Variants in GFM2 observed in about 807,000 individuals in gnomAD.
GFM2 encodes the protein GTP dependent ribosome recycling factor mitochondrial 2.
A neutral mutation model predicts 95.4 loss-of-function variants in GFM2; 72 were observed. The observed-to-expected ratio is 0.76, with a 90% CI of 0.62 to 0.92. GFM2 has a LOEUF of 0.92. GFM2 is among the 40% of genes least tolerant of loss of function. GFM2 has a pLI of 0.00. For synonymous variants in GFM2, 276 were observed against 317.5 expected, an observed-to-expected ratio of 0.87 and a Z score of 1.39; for missense variants, 825 against 924.1, an observed-to-expected ratio of 0.89 and a Z score of 1.39.
chr5:74,722,246 GAAACGAAACTTAACATGTATTCTCT>G, intron 20 of GFM2, 108 bp downstream of exon 20: 8 of 765,076 alleles, frequency 1.0e-5, no homozygotes, highest in Non-Finnish European at 1.5e-5. Context: ...CCTGCTGGTT[GAAACGAAACTTAACATGTATTCTCT>G]AAATCAAAGC....
chr5:74,748,027 G>A (rs564272416), intron 7 of GFM2, among the ~76,000 whole-genome samples: 11 of 152,230 alleles, frequency 7.2e-5, no homozygotes, highest in Admixed American at 6.5e-4. Flanking sequence ...TGAACTAGGT[G>A]GCCACACAAA....
At chr5:74,737,298 G>T (rs200928455) in intron 14 of GFM2, among the ~76,000 whole-genome samples, 1 of 152,082 alleles carries the variant, frequency 6.6e-6, no homozygotes, top group East Asian at 1.9e-4. Context: ...GACAGGTTAG[G>T]GAGAAGTCCA....
chr5:74,722,226 C>T (rs1749927761), intron 20 of GFM2, 153 bp downstream of exon 20: 1 of 666,308 alleles, frequency 1.5e-6, no homozygotes, highest in Non-Finnish European at 2.5e-6. Flanking sequence ...AATTCAAAGT[C>T]CTAACCATTC....
Position 74,745,783 on chromosome 5 carries a change from G to C in GFM2, c.744C>G (p.Cys248Trp). The C allele has an allele frequency of 6.2e-7, 1 of 1,613,388 alleles. No homozygotes were observed. Among genetic ancestry groups the C allele is most frequent in the East Asian group, 2.2e-5 (1 of 44,844 alleles). Residue 248 changes from cysteine (C) to tryptophan (W), a missense_variant, in exon 10 of 21, where the codon TGC becomes TGG. By Grantham distance (215) the Cys-to-Trp change is radical (BLOSUM62 -2). Transcript: ENST00000296805. Reference sequence around the variant, plus strand: ...CAAAGTCTTTTCCATCATTTGAATTGCAATTCCAAAGAAGTTTTTCTTTCA... The same window carrying C: ...CAAAGTCTTTTCCATCATTTGAATTCCAATTCCAAAGAAGTTTTTCTTTCA... ...VVMKEKLLWN[C>W]NSNDGKDFER... is the part of the protein sequence containing the mutation.
At chr5:74,753,016 C>A (rs966180702) in intron 5 of GFM2, among the ~76,000 whole-genome samples, 3 of 152,054 alleles carry the variant, frequency 2.0e-5, no homozygotes, top group African/African-American at 7.2e-5. Flanking sequence ...ATCCCCCCCA[C>A]CAAAAATCAC....
intron 19 of GFM2, 67 bp downstream of exon 19, chr5:74,725,573 G>A (rs1750107071): frequency 3.8e-6 from 4 of 1,052,112 alleles, no homozygotes; most frequent in Non-Finnish European, 5.9e-6. Context: ...ACAGCTGTCT[G>A]CAAGATCAGT....
intron 1 of GFM2, among the ~76,000 whole-genome samples, chr5:74,766,406 A>G (rs1744610880): frequency 6.6e-6 from 1 of 152,190 alleles, no homozygotes; most frequent in Non-Finnish European, 1.5e-5. Context: ...TTGTTCATCA[A>G]CTGAATCACG....
Position 74,746,137 on chromosome 5 carries a change from CT to C in GFM2, c.636del (p.Glu213ArgfsTer3), listed in dbSNP as rs746538436. On this transcript the variant is annotated frameshift_variant, in exon 9 of 21. Coordinates refer to ENST00000296805, the MANE Select transcript of GFM2 (RefSeq NM_032380.5). LOFTEE classifies it high-confidence loss of function. ...ASFKYAVESI[R>X]EKLKAKPLLL... ...AGCAAAGGCTTTGCCTTTAACTTCT[CT>C]CTGATGCTTTCAACTGCATACTTAA... 2 of 1,545,014 alleles carry C rather than the reference CT, an allele frequency of 1.3e-6. No homozygotes were observed. Among genetic ancestry groups the C allele is most frequent in the Non-Finnish European group, 1.7e-6 (2 of 1,153,304 alleles).
intron 3 of GFM2, 78 bp downstream of exon 3, chr5:74,760,824 G>C: frequency 3.2e-6 from 3 of 932,604 alleles, no homozygotes; most frequent in South Asian, 1.4e-5. Flanking sequence ...CCTAATAAGG[G>C]AGATTCTTGC....
chr5:74,756,762 G>A (rs1340427579), intron 5 of GFM2, among the ~76,000 whole-genome samples: 5 of 152,108 alleles, frequency 3.3e-5, no homozygotes, highest in Non-Finnish European at 7.3e-5. Context: ...GATGGAACTG[G>A]AGACCACTAT....
intron 15 of GFM2, among the ~76,000 whole-genome samples, chr5:74,735,629 T>C (rs1002542740): frequency 6.6e-6 from 1 of 152,164 alleles, no homozygotes; most frequent in Non-Finnish European, 1.5e-5. Context: ...CCAGGCAGGT[T>C]AAGTTCATGG....
intron 19 of GFM2, among the ~76,000 whole-genome samples, chr5:74,722,872 G>GTCT (rs1219207129): frequency 6.6e-6 from 1 of 151,990 alleles, no homozygotes; most frequent in Non-Finnish European, 1.5e-5. Context: ...TTCTGTTCCT[G>GTCT]ATGTCTATAA....
intron 10 of GFM2, among the ~76,000 whole-genome samples, chr5:74,742,672 CTTT>C (rs112221111): frequency 6.8e-6 from 1 of 146,770 alleles, no homozygotes. Context: ...CCATTGTACT[CTTT>C]TTTTTTTTTG....
intron 6 of GFM2, 126 bp from the exon 7 acceptor site, chr5:74,750,793 T>C: frequency 1.5e-6 from 1 of 655,556 alleles, no homozygotes. Flanking sequence ...ATAAAGGTAT[T>C]GAAAGCAGAG....
chr5:74,754,703 A>C (rs1298166991), intron 5 of GFM2, among the ~76,000 whole-genome samples: 1 of 152,196 alleles, frequency 6.6e-6, no homozygotes, highest in Non-Finnish European at 1.5e-5. Flanking sequence ...GCAGCTCCCA[A>C]ATTTATAAAA....
intron 12 of GFM2, among the ~76,000 whole-genome samples, chr5:74,739,620 C>A (rs1375872128): frequency 2.6e-5 from 4 of 152,084 alleles, no homozygotes; most frequent in Admixed American, 2.6e-4. Context: ...AAACAATGAC[C>A]TTTCTTTATA....
At chr5:74,761,157 A>AG (rs900645033) in intron 2 of GFM2, among the ~76,000 whole-genome samples, 171 bp from the exon 3 acceptor site, 6 of 152,210 alleles carry the variant, frequency 3.9e-5, no homozygotes, top group Non-Finnish European at 7.3e-5. Flanking sequence ...AATATATCCT[A>AG]GGGGAAAGAA....
Position 74,721,691 on chromosome 5 carries a change from T to TTGATCTTGAG in GFM2, c.2294_2303dup (p.Gln768HisfsTer29). The TTGATCTTGAG allele has an allele frequency of 6.2e-7, 1 of 1,613,706 alleles. No individual in the cohort carries two copies. The highest frequency in any genetic ancestry group is 8.5e-7 in the Non-Finnish European group (1 of 1,179,890). The stretch of plus-strand genomic sequence containing the variant: ...CACTTCTCCGGTTGAGCAGTGTATT[T>TTGATCTTGAG]TGATCTTGAGGATTCATGGCTTGAT... On this transcript the variant is annotated frameshift_variant, in exon 21 of 21. Coordinates refer to ENST00000296805, the MANE Select transcript of GFM2 (RefSeq NM_032380.5). LOFTEE classifies it high-confidence loss of function.
intron 1 of GFM2, among the ~76,000 whole-genome samples, chr5:74,764,500 T>A (rs11954065): frequency 0.024 from 3,685 of 152,146 alleles, 155 homozygotes; most frequent in African/African-American, 0.084. Context: ...AGGTTTTTTT[T>A]ATTTTTTTTT....
Sources: gnomAD v4.1 joint callset for allele counts (sites outside exome capture counted in the v4.1 genomes callset) on GRCh38, gnomAD v4.1.1 for gene constraint, MANE v1.5 for transcripts, NCBI Gene and HGNC (gene_info 2026-07-23, HGNC 2026-07-21) for gene names.